RSU1: variants seen among roughly 807,000 people sequenced by gnomAD.
The protein encoded by RSU1 is Ras suppressor protein 1.
A neutral mutation model predicts 31.1 loss-of-function variants in RSU1; 26 were observed. The ratio of observed to expected loss-of-function variants is 0.84; its 90% confidence interval spans 0.61 to 1.16. The LOEUF is 1.16. Among genes scored for constraint, RSU1 ranks in the 50% most tolerant of loss-of-function variants. The pLI is 0.00. For synonymous variants in RSU1, 164 were observed against 136.3 expected (o/e 1.20, Z -1.41); for missense variants, 320 against 339.1 (o/e 0.94, Z 0.44).
intron 3 of RSU1, among the ~76,000 whole-genome samples, chr10:16,764,995 G>GA (rs541871019): frequency 6.4e-4 from 90 of 140,636 alleles, no homozygotes; most frequent in African/African-American, 2.8e-3. Context: ...TGGGGGGGGA[G>GA]AAACAGAGCA....
At chr10:16,795,120 G>A (rs906344560) in intron 2 of RSU1, among the ~76,000 whole-genome samples, 3 of 152,136 alleles carry the variant, frequency 2.0e-5, no homozygotes, top group Non-Finnish European at 2.9e-5. Flanking sequence ...TCGGGAGGCC[G>A]GGGCAGGCAG....
chr10:16,732,469 G>C (rs1836534528), intron 7 of RSU1, among the ~76,000 whole-genome samples: 2 of 152,206 alleles, frequency 1.3e-5, no homozygotes, highest in South Asian at 4.1e-4. Flanking sequence ...TCTGCCATGT[G>C]ATGATACAGA....
intron 4 of RSU1, among the ~76,000 whole-genome samples, 198 bp downstream of exon 4, chr10:16,764,192 T>C (rs1837265220): frequency 6.6e-6 from 1 of 152,184 alleles, no homozygotes; most frequent in South Asian, 2.1e-4. Flanking sequence ...GCCTCTCAAT[T>C]AGCTCTCAAA....
intron 7 of RSU1, among the ~76,000 whole-genome samples, chr10:16,716,539 C>A (rs1250609693): frequency 6.6e-6 from 1 of 151,730 alleles, no homozygotes; most frequent in African/African-American, 2.4e-5. Context: ...ATCCCTGCCA[C>A]CTCCTTCCAT....
At chr10:16,612,771 C>A (rs1564285993) in intron 8 of RSU1, among the ~76,000 whole-genome samples, 1 of 152,166 alleles carries the variant, frequency 6.6e-6, no homozygotes, top group Non-Finnish European at 1.5e-5. Context: ...CTCTTCGTTA[C>A]CCAGATTAGA....
At chr10:16,714,010 C>A (rs939995521) in intron 7 of RSU1, among the ~76,000 whole-genome samples, 11 of 151,984 alleles carry the variant, frequency 7.2e-5, no homozygotes, top group Admixed American at 7.2e-4. Flanking sequence ...TTGTGGTGGT[C>A]GTAGTGTGTG....
chr10:16,762,088 C>T (rs1208983309), intron 4 of RSU1, among the ~76,000 whole-genome samples: 1 of 152,066 alleles, frequency 6.6e-6, no homozygotes, highest in Non-Finnish European at 1.5e-5. Context: ...CTGTTTATAA[C>T]CAGCCTTGCC....
At chr10:16,670,223 G>A (rs749993983) in intron 8 of RSU1, among the ~76,000 whole-genome samples, 5 of 152,206 alleles carry the variant, frequency 3.3e-5, no homozygotes, top group African/African-American at 4.8e-5. Flanking sequence ...AAGCGCAGGG[G>A]CTAGCAAACT....
At chr10:16,699,162 G>A (rs886357921) in intron 7 of RSU1, among the ~76,000 whole-genome samples, 3 of 152,202 alleles carry the variant, frequency 2.0e-5, no homozygotes, top group Admixed American at 2.0e-4. Flanking sequence ...AACCGCGCGA[G>A]CGAAACAGAG....
chr10:16,701,344 T>G (rs923303412), intron 7 of RSU1, among the ~76,000 whole-genome samples: 1 of 152,196 alleles, frequency 6.6e-6, no homozygotes, highest in African/African-American at 2.4e-5. Context: ...AAAACCTAAG[T>G]GGAATGAGAA....
intron 2 of RSU1, among the ~76,000 whole-genome samples, chr10:16,782,546 G>A (rs1348372948): frequency 6.6e-6 from 1 of 152,174 alleles, no homozygotes; most frequent in Non-Finnish European, 1.5e-5. Flanking sequence ...GGCCGCCAGT[G>A]TTATTGCTTC....
intron 7 of RSU1, among the ~76,000 whole-genome samples, chr10:16,741,329 TAA>T (rs1173275801): frequency 1.3e-5 from 2 of 152,154 alleles, no homozygotes; most frequent in Non-Finnish European, 2.9e-5. Flanking sequence ...ATCAAAGATA[TAA>T]ATGTAAGAGC....
rs117541311 is a variant in RSU1, at chr10:16,675,321, C to T, written c.731+19702G>A. Among the ~76,000 whole-genome samples the T allele has an allele frequency of 2.2e-4, 33 of 152,258 alleles. No homozygotes were observed. In the East Asian group the frequency reaches 5.2e-3, roughly 24 times the overall value. On this transcript the variant is annotated intron_variant, in intron 8 of 8. Coordinates refer to ENST00000345264, the MANE Select transcript of RSU1 (RefSeq NM_012425.4). ...CAAAAGGTTTTGTAGTTATGTCTTC[C>T]CGATGTCACTGTTATTGTTCCATAA...
rs117744475 is a variant in RSU1, at chr10:16,624,288, G to A, written c.732-30792C>T. 4.5e-3 allele frequency among the ~76,000 whole-genome samples: 678 copies of A among 152,168 alleles called. 2 individuals are homozygous for A. The highest frequency in any genetic ancestry group is 0.014 in the Middle Eastern group (4 of 294). ...TGGTAGACCGACTGAGAGCTGAAGG[G>A]CTGGAGTAGACATCCCAGCTCAATG... On this transcript the variant is annotated intron_variant, in intron 8 of 8. Coordinates refer to ENST00000345264, the MANE Select transcript of RSU1 (RefSeq NM_012425.4).
At chr10:16,656,553 C>A (rs916654807) in intron 8 of RSU1, among the ~76,000 whole-genome samples, 2 of 152,170 alleles carry the variant, frequency 1.3e-5, no homozygotes, top group Non-Finnish European at 2.9e-5. Flanking sequence ...CCAGGGCCTG[C>A]AAAGTGAGAT....
intron 8 of RSU1, among the ~76,000 whole-genome samples, chr10:16,605,884 C>A (rs1283378636): frequency 2.6e-5 from 4 of 152,208 alleles, no homozygotes; most frequent in Non-Finnish European, 5.9e-5. Context: ...TCACCGTAGC[C>A]TCCACCTCTT....
At chr10:16,694,369 A>G (rs1169758448) in intron 8 of RSU1, among the ~76,000 whole-genome samples, 2 of 152,188 alleles carry the variant, frequency 1.3e-5, no homozygotes, top group Non-Finnish European at 2.9e-5. Context: ...CTGCTTAACA[A>G]TTTTGTTCAG....
intron 8 of RSU1, among the ~76,000 whole-genome samples, chr10:16,595,401 C>T (rs373684295): frequency 2.6e-5 from 4 of 152,318 alleles, no homozygotes; most frequent in East Asian, 1.9e-4. Context: ...CAAGCAGGTT[C>T]CATCGGCGGT....
In RSU1 at chr10:16,681,641, C is replaced by T. The variant is rs117668233; in HGVS notation, c.731+13382G>A. Among the ~76,000 whole-genome samples, 657 of 152,062 alleles carry T rather than the reference C, an allele frequency of 4.3e-3. 3 individuals are homozygous for T. The highest frequency in any genetic ancestry group is 7.4e-3 in the Non-Finnish European group (502 of 68,010). On this transcript the variant is annotated intron_variant, in intron 8 of 8. Transcript: ENST00000345264. ...TGAGGATTAGAAATCATTGCTGGGACGACCCTCAGAGATGATCTAGTTTGA... is the reference window on the plus strand; with the variant it reads ...TGAGGATTAGAAATCATTGCTGGGATGACCCTCAGAGATGATCTAGTTTGA...
Sources: gnomAD v4.1 joint callset for allele counts (sites outside exome capture counted in the v4.1 genomes callset) on GRCh38, gnomAD v4.1.1 for gene constraint, MANE v1.5 for transcripts, NCBI Gene and HGNC (gene_info 2026-07-23, HGNC 2026-07-21) for gene names.